Variants in COL19A1 observed in about 807,000 individuals in gnomAD.
COL19A1 encodes collagen alpha-1(XIX) chain.
A neutral mutation model predicts 190.2 loss-of-function variants in COL19A1; 159 were observed. The observed-to-expected ratio is 0.84, with a 90% CI of 0.73 to 0.95. COL19A1 has a LOEUF of 0.95. COL19A1 is among the 40% of genes least tolerant of loss of function. The pLI is 0.00. For synonymous variants in COL19A1, 509 were observed against 458.9 expected (o/e 1.11, Z -1.39); for missense variants, 1,418 against 1,431.9 (o/e 0.99, Z 0.16).
chr6:70,198,947 A>G lies in COL19A1; in HGVS notation c.3095-661A>G, dbSNP rs911813946. Among the ~76,000 whole-genome samples, 3 of 152,156 alleles carry G rather than the reference A, an allele frequency of 2.0e-5. No homozygotes were observed. The South Asian group carries it at 6.2e-4, about 32-fold the overall frequency. On this transcript the variant is annotated intron_variant, in intron 48 of 50. Coordinates refer to ENST00000620364, the MANE Select transcript of COL19A1 (RefSeq NM_001858.6). ...TTCATGTGCGTGGCCACTGGCAGGT[A>G]GCATCAGTTCTTCCCCACATGGGCC...
At chr6:69,887,043 A>C (rs3805956) in intron 2 of COL19A1, among the ~76,000 whole-genome samples, 70,868 of 152,076 alleles carry the variant, frequency 0.47, 16,910 homozygotes, top group Middle Eastern at 0.56. Context: ...GAAAGACTTT[A>C]ATAAATGTTG....
chr6:70,156,526 A>T, intron 33 of COL19A1, 144 bp from the exon 34 acceptor site: 1 of 1,061,866 alleles, frequency 9.4e-7, no homozygotes, highest in Non-Finnish European at 1.4e-6. Flanking sequence ...AGTGATGTAA[A>T]AGTCACTTGC....
intron 15 of COL19A1, among the ~76,000 whole-genome samples, chr6:70,083,419 T>G (rs566150351): frequency 6.6e-6 from 1 of 152,330 alleles, no homozygotes; most frequent in East Asian, 1.9e-4. Flanking sequence ...TACACTGGAA[T>G]TTATACTTCA....
At chr6:70,180,251 A>T in intron 42 of COL19A1, 61 bp from the exon 43 acceptor site, 2 of 1,585,868 alleles carry the variant, frequency 1.3e-6, no homozygotes, top group Non-Finnish European at 1.7e-6. Flanking sequence ...GGGGGAAGAG[A>T]AGCATATGGT....
chr6:70,184,152 G>T (rs1281915626), intron 44 of COL19A1, among the ~76,000 whole-genome samples: 1 of 152,068 alleles, frequency 6.6e-6, no homozygotes, highest in South Asian at 2.1e-4. Context: ...AATAACAATT[G>T]TTCTCTGACT....
In COL19A1 at chr6:70,171,962, AG is replaced by A. The variant is rs1562241978; in HGVS notation, c.2570del. 1 of 1,612,714 alleles carries A rather than the reference AG, an allele frequency of 6.2e-7. No homozygotes were observed. The highest frequency in any genetic ancestry group is 1.7e-4 in the Middle Eastern group (1 of 6,054). On this transcript the variant is annotated splice_acceptor_variant, in intron 40 of 50. Transcript: ENST00000620364. LOFTEE classifies it high-confidence loss of function. ...TGCATTTCTTATGTTCATATTTAAC[AG>A]GGAGAGCCTGGTGCAATGGGGTTGC...
At chr6:70,099,506 T>C (rs967602951) in intron 15 of COL19A1, among the ~76,000 whole-genome samples, 2 of 151,274 alleles carry the variant, frequency 1.3e-5, no homozygotes, top group African/African-American at 4.9e-5. Context: ...TTGGGGCCCA[T>C]CCCCAAGATA....
chr6:70,149,526 A>G lies in COL19A1; in HGVS notation c.1894-178A>G, dbSNP rs536536485. Among the ~76,000 whole-genome samples the G allele has an allele frequency of 2.0e-5, 3 of 152,236 alleles. No homozygotes were observed. The East Asian group carries it at 5.8e-4, about 29-fold the overall frequency. On this transcript the variant is annotated intron_variant, in intron 27 of 50. Transcript: ENST00000620364. The stretch of plus-strand genomic sequence containing the variant: ...TGATGTTTCCAGCAACAGGTATCTG[A>G]TTAAGTATTCACCTACGACCTGAAA...
At chr6:70,056,180 A>T (rs988341609) in intron 14 of COL19A1, among the ~76,000 whole-genome samples, 1 of 152,160 alleles carries the variant, frequency 6.6e-6, no homozygotes, top group South Asian at 2.1e-4. Flanking sequence ...TATGGAAAAA[A>T]TTTGAAAGGA....
chr6:70,134,269 T>C (rs1785701090), intron 18 of COL19A1, among the ~76,000 whole-genome samples: 1 of 152,202 alleles, frequency 6.6e-6, no homozygotes, highest in Admixed American at 6.5e-5. Context: ...TCCCTTGCCT[T>C]ACCTTGAATA....
intron 1 of COL19A1, among the ~76,000 whole-genome samples, chr6:69,876,867 CT>C (rs1190683230): frequency 6.6e-6 from 1 of 152,154 alleles, no homozygotes; most frequent in Non-Finnish European, 1.5e-5. Context: ...AGGACTATAT[CT>C]AGATGAGAGA....
intron 37 of COL19A1, among the ~76,000 whole-genome samples, chr6:70,166,277 C>A (rs746090692): frequency 1.3e-5 from 2 of 152,186 alleles, no homozygotes; most frequent in Non-Finnish European, 2.9e-5. Context: ...CTGGGAAAGT[C>A]ATTTAACCTT....
intron 11 of COL19A1, among the ~76,000 whole-genome samples, chr6:69,993,620 G>A (rs1186486412): frequency 8.6e-5 from 13 of 152,008 alleles, no homozygotes. Flanking sequence ...TTTCATTACT[G>A]ATTCCATTTC....
chr6:70,075,662 C>G (rs1781839368), intron 15 of COL19A1, among the ~76,000 whole-genome samples: 1 of 152,116 alleles, frequency 6.6e-6, no homozygotes, highest in Non-Finnish European at 1.5e-5. Flanking sequence ...TTAAACAGCA[C>G]AGCTAGTTAC....
intron 14 of COL19A1, among the ~76,000 whole-genome samples, chr6:70,052,836 C>T (rs1780283209): frequency 6.6e-6 from 1 of 152,172 alleles, no homozygotes; most frequent in Non-Finnish European, 1.5e-5. Context: ...GGGGGTCAGA[C>T]ATACTTGCTT....
At chr6:69,999,755 G>A (rs1777134657) in intron 11 of COL19A1, among the ~76,000 whole-genome samples, 1 of 152,070 alleles carries the variant, frequency 6.6e-6, no homozygotes, top group South Asian at 2.1e-4. Flanking sequence ...TAAGCTACAG[G>A]TATCTTTAAG....
At chr6:70,016,896 A>G (rs934217263) in intron 11 of COL19A1, among the ~76,000 whole-genome samples, 2 of 152,232 alleles carry the variant, frequency 1.3e-5, no homozygotes, top group South Asian at 2.1e-4. Flanking sequence ...CAGGAACCCT[A>G]ATACACTGCT....
intron 15 of COL19A1, among the ~76,000 whole-genome samples, chr6:70,083,667 C>T (rs908754253): frequency 2.0e-5 from 3 of 152,060 alleles, no homozygotes; most frequent in Non-Finnish European, 4.4e-5. Context: ...ACAGTTTAGC[C>T]TTGTAATAAT....
chr6:70,166,374 T>C (rs1206038898), intron 37 of COL19A1, among the ~76,000 whole-genome samples: 2 of 152,254 alleles, frequency 1.3e-5, no homozygotes, highest in Non-Finnish European at 2.9e-5. Context: ...GATATTATGC[T>C]ATATGTGTTC....
Sources: gnomAD v4.1 joint callset for allele counts (sites outside exome capture counted in the v4.1 genomes callset) on GRCh38, gnomAD v4.1.1 for gene constraint, MANE v1.5 for transcripts, NCBI Gene and HGNC (gene_info 2026-07-23, HGNC 2026-07-21) for gene names.